Variants in VWA8 observed in about 807,000 individuals in gnomAD.
VWA8 encodes von Willebrand factor A domain containing 8.
VWA8 carries 221 observed loss-of-function variants against 241.5 expected under a neutral mutation model. That is an observed-to-expected ratio of 0.91 (90% CI 0.82 to 1.02). The LOEUF (loss-of-function observed/expected upper bound fraction) is 1.02, where lower values mean the gene tolerates loss of function less well. VWA8 is among the 50% of genes least tolerant of loss of function. The pLI, the probability that VWA8 is intolerant of heterozygous loss-of-function variation, is 0.00. For synonymous variants in VWA8, 852 were observed against 827.1 expected, an observed-to-expected ratio of 1.03 and a Z score of -0.52; for missense variants, 2,322 against 2,328.7, an observed-to-expected ratio of 1.00 and a Z score of 0.06.
In VWA8 at chr13:41,690,291, A is replaced by G. The variant is rs778179384; in HGVS notation, c.3867-16T>C. The G allele has an allele frequency of 6.3e-7, 1 of 1,595,860 alleles. No individual in the cohort carries two copies. The highest frequency in any genetic ancestry group is 1.1e-5 in the South Asian group (1 of 88,088). On this transcript the variant is annotated splice_polypyrimidine_tract_variant and intron_variant, in intron 32 of 44. Transcript: ENST00000379310. The stretch of plus-strand genomic sequence containing the variant: ...AAGATATTTCCTGCAAACAAACAAA[A>G]CATCTAGCTTAAGTGAAATTTTTCT...
At chr13:41,626,334 C>G (rs969717515) in intron 37 of VWA8, among the ~76,000 whole-genome samples, 16 of 152,104 alleles carry the variant, frequency 1.1e-4, no homozygotes, top group African/African-American at 3.9e-4. Flanking sequence ...GTTAAAATGG[C>G]TATGCTGCCC....
chr13:41,874,841 C>CA (rs1873821194), intron 9 of VWA8, among the ~76,000 whole-genome samples: 1 of 152,060 alleles, frequency 6.6e-6, no homozygotes, highest in African/African-American at 2.4e-5. Flanking sequence ...CATAGCCCCT[C>CA]AGCAACAAAT....
chr13:41,784,717 TATATATATATATACACACAC>T (rs1566456282), intron 18 of VWA8, among the ~76,000 whole-genome samples: 10 of 74,704 alleles, frequency 1.3e-4, no homozygotes, highest in Middle Eastern at 7.8e-3. Flanking sequence ...TATATATATA[TATATATATATATACACACAC>T]ATATATATAT....
At chr13:41,589,919 T>C (rs1438121506) in intron 41 of VWA8, among the ~76,000 whole-genome samples, 1 of 152,234 alleles carries the variant, frequency 6.6e-6, no homozygotes, top group Non-Finnish European at 1.5e-5. Context: ...TAAGCATCTG[T>C]ACTTCACTGT....
At chr13:41,904,891 G>T (rs1357585813) in intron 4 of VWA8, among the ~76,000 whole-genome samples, 1 of 151,972 alleles carries the variant, frequency 6.6e-6, no homozygotes, top group African/African-American at 2.4e-5. Flanking sequence ...CTTTCTAAAA[G>T]ATAACCAACT....
chr13:41,573,486 A>AAAAAATAAATAAATAT, intron 43 of VWA8, among the ~76,000 whole-genome samples: 1 of 113,614 alleles, frequency 8.8e-6, no homozygotes, highest in African/African-American at 3.4e-5. Context: ...AAAAAAAAAA[A>AAAAAATAAATAAATAT]ATATATATAT....
At chr13:41,633,416 G>A (rs148467370) in intron 37 of VWA8, among the ~76,000 whole-genome samples, 1,615 of 152,230 alleles carry the variant, frequency 0.011, 12 homozygotes, top group Middle Eastern at 0.017. Context: ...TTGCCACTGC[G>A]GCTGTGTCAA....
chr13:41,631,596 A>G (rs2044727121), intron 37 of VWA8, among the ~76,000 whole-genome samples: 1 of 152,318 alleles, frequency 6.6e-6, no homozygotes, highest in Admixed American at 6.5e-5. Flanking sequence ...ATCCAAAGCA[A>G]CTGCTCATTT....
At chr13:41,573,482 A>AT (rs1391223657) in intron 43 of VWA8, among the ~76,000 whole-genome samples, 191 of 114,614 alleles carry the variant, frequency 1.7e-3, no homozygotes, top group African/African-American at 2.7e-3. Context: ...TTTAAAAAAA[A>AT]AAAAATATAT....
At chr13:41,821,112 C>A (rs1157516108) in intron 14 of VWA8, among the ~76,000 whole-genome samples, 1 of 152,144 alleles carries the variant, frequency 6.6e-6, no homozygotes, top group Non-Finnish European at 1.5e-5. Flanking sequence ...CCAGGTACCA[C>A]AGTGGAGCTG....
intron 37 of VWA8, among the ~76,000 whole-genome samples, chr13:41,645,489 C>T (rs1052115306): frequency 6.6e-6 from 1 of 152,198 alleles, no homozygotes; most frequent in African/African-American, 2.4e-5. Context: ...AAATACCAAA[C>T]TGATGTTTCC....
At chr13:41,863,425 G>A (rs368725006) in intron 12 of VWA8, among the ~76,000 whole-genome samples, 14,478 of 64,444 alleles carry the variant, frequency 0.22, 1,422 homozygotes, top group Non-Finnish European at 0.28. Context: ...GTGTGTGTGT[G>A]TGTGTGTGTA....
intron 15 of VWA8, among the ~76,000 whole-genome samples, chr13:41,818,347 G>GCA (rs1870792513): frequency 1.4e-5 from 2 of 141,874 alleles, no homozygotes; most frequent in African/African-American, 5.1e-5. Flanking sequence ...AAGGGGGGGT[G>GCA]GATCAATTGA....
rs968469546 is a variant in VWA8, at chr13:41,567,973, A to C, written c.*224T>G. The stretch of plus-strand genomic sequence containing the variant: ...AAGTGCAGGTCAACTAGCTTGCCCT[A>C]ATCACTTCTAAACTCATCAGTGGAG... On this transcript the variant is annotated 3_prime_UTR_variant, in exon 45 of 45. Coordinates refer to ENST00000379310, the MANE Select transcript of VWA8 (RefSeq NM_015058.2). 2.2e-6 allele frequency: 1 copy of C among 448,468 alleles called. No homozygotes were observed. The highest frequency in any genetic ancestry group is 2.0e-5 in the African/African-American group (1 of 49,560). 27.8% of individuals were successfully genotyped at this position (448,468 alleles called of 1,614,324 possible). A position where few individuals can be genotyped will look rare whatever the true frequency, so the allele number is the denominator to read the frequency against.
At chr13:41,849,802 A>G (rs1275314275) in intron 12 of VWA8, among the ~76,000 whole-genome samples, 2 of 152,126 alleles carry the variant, frequency 1.3e-5, no homozygotes, top group East Asian at 3.9e-4. Flanking sequence ...CAGGAGAATC[A>G]CTTGAACCTG....
At chr13:41,651,052 A>G (rs999330384) in intron 37 of VWA8, among the ~76,000 whole-genome samples, 1 of 152,110 alleles carries the variant, frequency 6.6e-6, no homozygotes, top group Non-Finnish European at 1.5e-5. Context: ...ATAAACAGAA[A>G]CCAAAACAAC....
rs375086036 is a variant in VWA8 at position 41,570,078 on chromosome 13, T to G, written c.5609+390A>C. Among the ~76,000 whole-genome samples the G allele has an allele frequency of 1.2e-3, 182 of 152,284 alleles. 3 individuals carry two copies. The South Asian group carries it at 0.036, about 31-fold the overall frequency. ...CAGACATTCATACACACACACTATC[T>G]CCTATGCTAGGAAAATAGTAGATGT... On this transcript the variant is annotated intron_variant, in intron 44 of 44. Transcript: ENST00000379310.
At chr13:41,711,110 A>G (rs1462251235) in intron 26 of VWA8, among the ~76,000 whole-genome samples, 1 of 152,200 alleles carries the variant, frequency 6.6e-6, no homozygotes, top group Non-Finnish European at 1.5e-5. Context: ...ACAAATGAAA[A>G]CACAATCTCA....
chr13:41,884,602 A>T (rs1010826968), intron 8 of VWA8, among the ~76,000 whole-genome samples: 5 of 151,866 alleles, frequency 3.3e-5, no homozygotes, highest in African/African-American at 1.2e-4. Context: ...AAAAAAGCAC[A>T]TGCAAACAAA....
Sources: gnomAD v4.1 joint callset for allele counts (sites outside exome capture counted in the v4.1 genomes callset) on GRCh38, gnomAD v4.1.1 for gene constraint, MANE v1.5 for transcripts, NCBI Gene and HGNC (gene_info 2026-07-23, HGNC 2026-07-21) for gene names.